EPM2A: variants seen among roughly 807,000 people sequenced by gnomAD.
EPM2A encodes the protein laforin.
In EPM2A, 21 loss-of-function variants were observed where a neutral mutation model predicts 26.5. That is an observed-to-expected ratio of 0.79 (90% CI 0.56 to 1.14). The LOEUF (loss-of-function observed/expected upper bound fraction) is 1.14. EPM2A is among the 50% of genes most tolerant of loss of function. The pLI, the probability that EPM2A is intolerant of heterozygous loss-of-function variation, is 0.00. For missense variants in EPM2A, 458 were observed against 440.8 expected (o/e 1.04, Z -0.35); for synonymous variants, 217 against 177.6 (o/e 1.22, Z -1.76).
intron 1 of EPM2A, among the ~76,000 whole-genome samples, chr6:145,690,976 T>TAA (rs879100094): frequency 1.3e-4 from 18 of 137,928 alleles, no homozygotes; most frequent in African/African-American, 2.9e-4. Flanking sequence ...TAGGCTGAAT[T>TAA]AAAAAAAAAA....
intron 4 of EPM2A, among the ~76,000 whole-genome samples, chr6:145,466,723 G>A (rs1038348178): frequency 2.6e-5 from 4 of 152,144 alleles, no homozygotes; most frequent in Non-Finnish European, 5.9e-5. Context: ...ATTCACAATA[G>A]CAAAGACTTG....
intron 2 of EPM2A, among the ~76,000 whole-genome samples, chr6:145,574,794 A>G (rs1223055890): frequency 3.9e-5 from 6 of 152,216 alleles, no homozygotes; most frequent in Admixed American, 1.3e-4. Flanking sequence ...TTGAGCTGCA[A>G]CATTAAATGA....
At chr6:145,471,016 C>T (rs1032733839) in intron 4 of EPM2A, among the ~76,000 whole-genome samples, 3 of 152,120 alleles carry the variant, frequency 2.0e-5, no homozygotes, top group Non-Finnish European at 2.9e-5. Flanking sequence ...CTCTTCCTCC[C>T]TGAAGTAGCA....
intron 2 of EPM2A, among the ~76,000 whole-genome samples, chr6:145,573,376 C>G (rs952566662): frequency 2.0e-5 from 3 of 152,240 alleles, no homozygotes; most frequent in Admixed American, 1.3e-4. Context: ...TGGCTGCATA[C>G]CAGGTACCAG....
At chr6:145,616,653 A>G (rs139480859) in intron 2 of EPM2A, among the ~76,000 whole-genome samples, 225 of 152,368 alleles carry the variant, frequency 1.5e-3, no homozygotes, top group African/African-American at 5.1e-3. Context: ...ATACCCTGCA[A>G]AGCCACAGGG....
intron 2 of EPM2A, among the ~76,000 whole-genome samples, chr6:145,507,974 G>T (rs1283189057): frequency 6.6e-6 from 1 of 152,090 alleles, no homozygotes; most frequent in African/African-American, 2.4e-5. Flanking sequence ...GGAGGGAGGT[G>T]GACACCACTT....
rs1257472632 is a variant in EPM2A at position 145,489,686 on chromosome 6, A to G, written c.555+12836T>C. The G allele has an allele frequency of 4.3e-6, 6 of 1,386,082 alleles. No homozygotes were observed. The Admixed American group carries it at 8.4e-5, about 19-fold the overall frequency. The allele number at this position is 1,386,082 out of a possible 1,614,324, so 85.9% of individuals were successfully genotyped here. ...TCATTCTCTGCCTTTTCAGCTTCAG[A>G]ATCCACTGTTGGCTTGCTCTCTAAT... On this transcript the variant is annotated intron_variant, in intron 4 of 4. Coordinates refer to the EPM2A transcript ENST00000638717.
chr6:145,632,736 G>A (rs1241592309), intron 3 of EPM2A, among the ~76,000 whole-genome samples: 1 of 152,172 alleles, frequency 6.6e-6, no homozygotes, highest in Non-Finnish European at 1.5e-5. Flanking sequence ...TTTCTCTAGA[G>A]TTCTAAAAAT....
chr6:145,678,721 A>T (rs1780261250), intron 2 of EPM2A, among the ~76,000 whole-genome samples: 1 of 152,212 alleles, frequency 6.6e-6, no homozygotes, highest in East Asian at 1.9e-4. Context: ...CGCCAGTTAG[A>T]ATAGTGATCA....
At chr6:145,462,900 A>G (rs1413659574) in intron 4 of EPM2A, among the ~76,000 whole-genome samples, 3 of 152,192 alleles carry the variant, frequency 2.0e-5, no homozygotes, top group Admixed American at 2.0e-4. Flanking sequence ...AAATTGAGTT[A>G]CACTATAGTT....
At chr6:145,467,424 C>A (rs1779413639) in intron 4 of EPM2A, among the ~76,000 whole-genome samples, 1 of 152,100 alleles carries the variant, frequency 6.6e-6, no homozygotes. Flanking sequence ...TGGATCTGAT[C>A]TTATACTCTT....
chr6:145,735,554 C>G (rs1176202604), upstream of EPM2A: 1 of 1,130,194 alleles, frequency 8.8e-7, no homozygotes, highest in Non-Finnish European at 1.1e-6. Flanking sequence ...CCGGCAGGCG[C>G]GGCCCGAGCA....
chr6:145,453,757 C>T (rs1235335208), intron 4 of EPM2A, among the ~76,000 whole-genome samples: 1 of 152,086 alleles, frequency 6.6e-6, no homozygotes, highest in Non-Finnish European at 1.5e-5. Context: ...ACCTAAAGAC[C>T]CAGATTAAAA....
intron 4 of EPM2A, among the ~76,000 whole-genome samples, chr6:145,421,939 T>C (rs1778790275): frequency 6.7e-6 from 1 of 150,172 alleles, no homozygotes; most frequent in African/African-American, 2.4e-5. Context: ...CACATAACCA[T>C]ACCTTCAAAG....
intron 2 of EPM2A, among the ~76,000 whole-genome samples, chr6:145,667,280 A>G (rs1413038702): frequency 3.7e-4 from 51 of 136,436 alleles, no homozygotes; most frequent in African/African-American, 1.5e-3. Context: ...CAAAGGGCTA[A>G]TATCCAGAAT....
At chr6:145,688,744 GAGA>G (rs1223957155) in intron 1 of EPM2A, among the ~76,000 whole-genome samples, 1 of 152,198 alleles carries the variant, frequency 6.6e-6, no homozygotes, top group East Asian at 1.9e-4. Flanking sequence ...CAGCCAGCGA[GAGA>G]AGGATAAACT....
At chr6:145,431,854 T>G (rs1778925319) in intron 4 of EPM2A, among the ~76,000 whole-genome samples, 1 of 152,336 alleles carries the variant, frequency 6.6e-6, no homozygotes, top group East Asian at 1.9e-4. Flanking sequence ...GAACTTCTTT[T>G]GAAACTGAAG....
At chr6:145,419,888 C>G (rs1160392978) in intron 4 of EPM2A, among the ~76,000 whole-genome samples, 1 of 151,794 alleles carries the variant, frequency 6.6e-6, no homozygotes, top group African/African-American at 2.4e-5. Flanking sequence ...CGTTAGTGAG[C>G]TAAAATGAAA....
At chr6:145,581,517 A>T (rs933967901) in intron 2 of EPM2A, among the ~76,000 whole-genome samples, 3 of 152,020 alleles carry the variant, frequency 2.0e-5, no homozygotes, top group South Asian at 2.1e-4. Flanking sequence ...TAATTTGTCA[A>T]TTTTTGTTTA....
Sources: allele counts gnomAD v4.1 joint callset (sites outside exome capture counted in the v4.1 genomes callset), GRCh38; gene constraint gnomAD v4.1.1; transcripts MANE v1.5; gene names NCBI Gene and HGNC (gene_info 2026-07-23, HGNC 2026-07-21).